Variants in SPON1 observed in about 807,000 individuals in gnomAD.
SPON1 encodes spondin 1.
SPON1 carries 52 observed loss-of-function variants against 111.7 expected under a neutral mutation model. The observed-to-expected ratio is 0.47, with a 90% CI of 0.37 to 0.59. The LOEUF (loss-of-function observed/expected upper bound fraction) is 0.59, where lower values mean the gene tolerates loss of function less well. Ranked by LOEUF, SPON1 falls within the 20% of genes least tolerant of loss-of-function variation. The pLI is 0.00. For synonymous variants in SPON1, 410 were observed against 395.8 expected (o/e 1.04, Z -0.43); for missense variants, 957 against 1,068.5 (o/e 0.90, Z 1.46).
At chr11:14,253,757 AC>A (rs1849077301) in intron 7 of SPON1, among the ~76,000 whole-genome samples, 5 of 152,194 alleles carry the variant, frequency 3.3e-5, no homozygotes, top group Admixed American at 3.3e-4. Context: ...TTCATTAACC[AC>A]TTATTCACTT....
At chr11:14,265,123 C>T (rs11023167) in intron 15 of SPON1, among the ~76,000 whole-genome samples, 11 of 152,124 alleles carry the variant, frequency 7.2e-5, no homozygotes, top group African/African-American at 2.2e-4. Flanking sequence ...GCCTCACCTG[C>T]GTATCTGGGG....
chr11:14,192,485 G>A (rs1374777730), intron 6 of SPON1, among the ~76,000 whole-genome samples: 1 of 142,522 alleles, frequency 7.0e-6, no homozygotes, highest in Non-Finnish European at 1.6e-5. Context: ...AGAAAGAGAA[G>A]TAGAAAAAGG....
intron 5 of SPON1, among the ~76,000 whole-genome samples, chr11:14,087,310 C>T (rs782090978): frequency 2.0e-5 from 3 of 152,176 alleles, no homozygotes; most frequent in Non-Finnish European, 4.4e-5. Flanking sequence ...CTTAACACTG[C>T]TTTAGCTGTG....
chr11:14,122,455 G>A (rs947377244), intron 5 of SPON1, among the ~76,000 whole-genome samples: 1 of 152,216 alleles, frequency 6.6e-6, no homozygotes, highest in African/African-American at 2.4e-5. Flanking sequence ...TTACAGGCGT[G>A]AGCCACTGTG....
At position 14,036,725 on chromosome 11, in the gene SPON1, G is replaced by T. The variant is rs895635639; in HGVS notation, c.346-4796G>T. ...AAGAATCAAGTCAGAACAGGAGAGG[G>T]TTTACGACTGAACCTTGAGCAAGTT... On this transcript the variant is annotated intron_variant, in intron 2 of 15. Coordinates refer to ENST00000576479, the MANE Select transcript of SPON1 (RefSeq NM_006108.4). 3.9e-5 allele frequency among the ~76,000 whole-genome samples: 6 copies of T among 152,092 alleles called. No individual in the cohort carries two copies. The East Asian group carries it at 7.7e-4, about 20-fold the overall frequency.
intron 6 of SPON1, among the ~76,000 whole-genome samples, chr11:14,217,500 T>C (rs1421145240): frequency 6.6e-6 from 1 of 152,202 alleles, no homozygotes; most frequent in Non-Finnish European, 1.5e-5. Context: ...ATTTTAATAA[T>C]ATATTTGCAG....
chr11:14,057,479 G>A lies in SPON1; in HGVS notation c.479+15825G>A, dbSNP rs139127942. ...ATATATTATCTGCAACAGAACAATT[G>A]TTGAAATGTGAATAGGGTTCGAGGA... On this transcript the variant is annotated intron_variant, in intron 3 of 15. Transcript: ENST00000576479. Among the ~76,000 whole-genome samples the A allele has an allele frequency of 6.3e-3, 953 of 152,286 alleles. 6 individuals carry two copies. The highest frequency in any genetic ancestry group is 0.022 in the African/African-American group (915 of 41,554).
intron 2 of SPON1, among the ~76,000 whole-genome samples, chr11:14,000,404 G>A (rs961534594): frequency 6.6e-6 from 1 of 152,108 alleles, no homozygotes; most frequent in Non-Finnish European, 1.5e-5. Context: ...CCCCAGACAT[G>A]TTATATGCTT....
chr11:14,169,372 G>C (rs1848069794), intron 6 of SPON1, among the ~76,000 whole-genome samples: 4 of 151,290 alleles, frequency 2.6e-5, no homozygotes, highest in South Asian at 4.2e-4. Context: ...AAATTTGTTT[G>C]AGTTCATTGT....
Position 14,262,947 on chromosome 11 carries a change from G to A in SPON1, c.2232G>A (p.Lys744=). Residue 744 remains lysine, a synonymous_variant, in exon 15 of 16, where the codon AAG becomes AAA. Coordinates refer to ENST00000576479, the MANE Select transcript of SPON1 (RefSeq NM_006108.4). ...AGAGCCGGCGGAGTGAGCAGCTGAA[G>A]GAAGAGTCTGAAGGGGAGCAGTTCC... The part of the protein sequence containing the change: ...ARESRRSEQL[K]EESEGEQFPG... 1 of 1,613,430 alleles carries A rather than the reference G, an allele frequency of 6.2e-7. No individual in the cohort carries two copies. Among genetic ancestry groups the A allele is most frequent in the Non-Finnish European group, 8.5e-7 (1 of 1,179,856 alleles).
intron 10 of SPON1, among the ~76,000 whole-genome samples, chr11:14,257,458 T>C (rs1249257365): frequency 1.3e-5 from 2 of 152,148 alleles, no homozygotes; most frequent in Non-Finnish European, 2.9e-5. Flanking sequence ...GGACTGAAAA[T>C]GAGAAGACGT....
chr11:14,080,056 A>C (rs1554921895), intron 5 of SPON1, 35 bp downstream of exon 5: 1 of 1,613,330 alleles, frequency 6.2e-7, no homozygotes, highest in South Asian at 1.1e-5. Context: ...TTTGGGGAAA[A>C]GCACATTGTC....
At chr11:14,057,844 C>CAAAAAAAAAA (rs1277903384) in intron 3 of SPON1, among the ~76,000 whole-genome samples, 27 of 125,528 alleles carry the variant, frequency 2.2e-4, no homozygotes, top group Non-Finnish European at 3.5e-4. Context: ...AAAAAAAAAA[C>CAAAAAAAAAA]AAAACAAAAA....
intron 6 of SPON1, among the ~76,000 whole-genome samples, chr11:14,232,679 G>T (rs1848815392): frequency 6.6e-6 from 1 of 152,044 alleles, no homozygotes; most frequent in South Asian, 2.1e-4. Flanking sequence ...TATACACTTG[G>T]ACATACAAAC....
chr11:14,051,395 G>C (rs797036361), intron 3 of SPON1, among the ~76,000 whole-genome samples: 28 of 152,186 alleles, frequency 1.8e-4, no homozygotes, highest in African/African-American at 5.8e-4. Flanking sequence ...AATTAGCCTG[G>C]TGTGCTGGTG....
intron 6 of SPON1, among the ~76,000 whole-genome samples, chr11:14,226,553 G>A (rs1032415828): frequency 4.6e-5 from 7 of 152,130 alleles, no homozygotes; most frequent in South Asian, 2.1e-4. Context: ...AAAATTCGAC[G>A]TACAATTTTT....
intron 15 of SPON1, among the ~76,000 whole-genome samples, chr11:14,263,356 CAA>C (rs1355540012): frequency 3.3e-5 from 5 of 152,226 alleles, no homozygotes; most frequent in Admixed American, 2.0e-4. Context: ...TCACTCCTTG[CAA>C]AGAGGGAAAA....
intron 6 of SPON1, among the ~76,000 whole-genome samples, chr11:14,163,564 G>A (rs1554931604): frequency 6.6e-6 from 1 of 151,912 alleles, no homozygotes; most frequent in Non-Finnish European, 1.5e-5. Context: ...CTGGCAAAGG[G>A]CTGGGTTCAG....
intron 2 of SPON1, 69 bp downstream of exon 2, chr11:13,983,022 G>A (rs935091132): frequency 1.6e-5 from 17 of 1,075,834 alleles, no homozygotes; most frequent in Non-Finnish European, 2.3e-5. Context: ...AGAGGTACAA[G>A]TGTCTCAGGT....
Sources: allele counts gnomAD v4.1 joint callset (sites outside exome capture counted in the v4.1 genomes callset), GRCh38; gene constraint gnomAD v4.1.1; transcripts MANE v1.5; gene names NCBI Gene and HGNC (gene_info 2026-07-23, HGNC 2026-07-21).